Variants in TRIM71 observed in about 807,000 individuals in gnomAD.
TRIM71 encodes the protein E3 ubiquitin-protein ligase TRIM71.
A neutral mutation model predicts 61.2 loss-of-function variants in TRIM71; 9 were observed. That is an observed-to-expected ratio of 0.15 (90% CI 0.09 to 0.26). The LOEUF is 0.26. Ranked by LOEUF, TRIM71 falls within the 10% of genes least tolerant of loss-of-function variation. The pLI is 1.00. For synonymous variants in TRIM71, 645 were observed against 553.2 expected, an observed-to-expected ratio of 1.17 and a Z score of -2.33; for missense variants, 998 against 1,238.7, an observed-to-expected ratio of 0.81 and a Z score of 2.92.
At chr3:32,864,608 G>A (rs2125686072) in intron 1 of TRIM71, among the ~76,000 whole-genome samples, 1 of 152,356 alleles carries the variant, frequency 6.6e-6, no homozygotes, top group East Asian at 1.9e-4. Flanking sequence ...TGAAAGGCAG[G>A]ATGCAGGATG....
chr3:32,889,886 A>ATGTGTGTGTGTGTG (rs531388047), intron 3 of TRIM71, among the ~76,000 whole-genome samples: 3 of 144,770 alleles, frequency 2.1e-5, no homozygotes, highest in Non-Finnish European at 4.6e-5. Flanking sequence ...GCGTGCGTGT[A>ATGTGTGTGTGTGTG]TGTGTGTGTG....
Position 32,894,001 on chromosome 3 carries a change from C to CTGGTAGGTGGTGAAAGATATGCCAAAG in TRIM71, c.*2191_*2192insGGTAGGTGGTGAAAGATATGCCAAAGT, listed in dbSNP as rs1697053905. 1 of 152,188 alleles carries CTGGTAGGTGGTGAAAGATATGCCAAAG rather than the reference C, an allele frequency of 6.6e-6. No individual in the cohort carries two copies. The highest frequency in any genetic ancestry group is 1.5e-5 in the Non-Finnish European group (1 of 68,032). The allele number at this position is 152,188 out of a possible 1,614,324, so 9.4% of individuals were successfully genotyped here. ...AGGAAATGTTGTTTGTTAGAAGCTC[C>CTGGTAGGTGGTGAAAGATATGCCAAAG]TTTTACTGTAGAATTTAATAGTGAA... On this transcript the variant is annotated 3_prime_UTR_variant, in exon 4 of 4. Transcript: ENST00000383763.
chr3:32,855,527 G>T (rs1344762287), intron 1 of TRIM71, among the ~76,000 whole-genome samples: 4 of 152,132 alleles, frequency 2.6e-5, no homozygotes, highest in African/African-American at 9.7e-5. Context: ...CCTGTCTCTA[G>T]CCCTCCTCTT....
intron 1 of TRIM71, among the ~76,000 whole-genome samples, chr3:32,863,819 C>T (rs549284980): frequency 8.6e-5 from 13 of 151,914 alleles, no homozygotes; most frequent in Non-Finnish European, 1.6e-4. Flanking sequence ...GTAGCTGGAA[C>T]CACAGGTGCC....
At chr3:32,858,149 AGTGGACCCTT>A (rs1442071291) in intron 1 of TRIM71, among the ~76,000 whole-genome samples, 1 of 152,112 alleles carries the variant, frequency 6.6e-6, no homozygotes, top group African/African-American at 2.4e-5. Context: ...TCTATGTATA[AGTGGACCCTT>A]GTGTTTCAAA....
intron 1 of TRIM71, among the ~76,000 whole-genome samples, chr3:32,837,730 C>CG (rs1356852237): frequency 6.6e-6 from 1 of 151,992 alleles, no homozygotes; most frequent in Non-Finnish European, 1.5e-5. Context: ...GGTGTGAACC[C>CG]GGGAGGCGGA....
chr3:32,821,038 C>T (rs1002865940), intron 1 of TRIM71, among the ~76,000 whole-genome samples: 1 of 152,170 alleles, frequency 6.6e-6, no homozygotes, highest in African/African-American at 2.4e-5. Flanking sequence ...GAGTAGAAGA[C>T]TAAAGTGTTA....
Position 32,824,960 on chromosome 3 carries a change from A to G in TRIM71, c.852+6028A>G, listed in dbSNP as rs552258497. Among the ~76,000 whole-genome samples, 12 of 151,802 alleles carry G rather than the reference A, an allele frequency of 7.9e-5. No homozygotes were observed. In the South Asian group the frequency reaches 1.7e-3, roughly 21 times the overall value. On this transcript the variant is annotated intron_variant, in intron 1 of 3. Coordinates refer to ENST00000383763, the MANE Select transcript of TRIM71 (RefSeq NM_001039111.3). ...CAGTCATGTGCCACCATGCCTGGCT[A>G]ATTTTTGTATTTTTAGTGGAGACGG... is the stretch of plus-strand genomic sequence containing the variant.
chr3:32,823,820 C>T (rs1696167789), intron 1 of TRIM71, among the ~76,000 whole-genome samples: 1 of 151,080 alleles, frequency 6.6e-6, no homozygotes, highest in Non-Finnish European at 1.5e-5. Context: ...AGGCGTGAGC[C>T]ACCGCGCCTT....
At chr3:32,881,032 T>A (rs777778285) in intron 2 of TRIM71, among the ~76,000 whole-genome samples, 49 of 152,146 alleles carry the variant, frequency 3.2e-4, no homozygotes, top group Non-Finnish European at 5.4e-4. Context: ...TATATATATT[T>A]TTTTGAGGTG....
At position 32,897,499 on chromosome 3, in the gene TRIM71, T is replaced by C. The variant is rs1319828976; in HGVS notation, c.*5688T>C. ...ACCTTTAGGCAAAAGTGAGTTTTTG[T>C]TTGGTTGATTTTGGGTTTTTTTCCC... On this transcript the variant is annotated 3_prime_UTR_variant, in exon 4 of 4. Coordinates refer to ENST00000383763, the MANE Select transcript of TRIM71 (RefSeq NM_001039111.3). 1 of 151,950 alleles carries C rather than the reference T, an allele frequency of 6.6e-6. No individual in the cohort carries two copies. The highest frequency in any genetic ancestry group is 1.5e-5 in the Non-Finnish European group (1 of 68,028). The allele number at this position is 151,950 out of a possible 1,614,324, so 9.4% of individuals were successfully genotyped here.
intron 1 of TRIM71, among the ~76,000 whole-genome samples, chr3:32,846,264 A>G (rs888153404): frequency 6.6e-6 from 1 of 151,494 alleles, no homozygotes; most frequent in African/African-American, 2.4e-5. Flanking sequence ...TTTAGTAGAG[A>G]CAGGGTTTCA....
chr3:32,853,822 C>A (rs1408054658), intron 1 of TRIM71, among the ~76,000 whole-genome samples: 4 of 152,126 alleles, frequency 2.6e-5, no homozygotes, highest in African/African-American at 9.7e-5. Context: ...GTCTGACCAA[C>A]AGAGTGAAAC....
intron 2 of TRIM71, among the ~76,000 whole-genome samples, chr3:32,874,341 A>G (rs2125689106): frequency 6.7e-6 from 1 of 149,706 alleles, no homozygotes; most frequent in African/African-American, 2.5e-5. Flanking sequence ...TACTACTACT[A>G]CTACTACTAC....
intron 1 of TRIM71, among the ~76,000 whole-genome samples, chr3:32,859,599 G>A (rs549717454): frequency 6.6e-6 from 1 of 152,288 alleles, no homozygotes; most frequent in Non-Finnish European, 1.5e-5. Context: ...CAGTGGTTTT[G>A]CATACAGTTT....
At chr3:32,854,180 T>G (rs1261889981) in intron 1 of TRIM71, among the ~76,000 whole-genome samples, 2 of 152,140 alleles carry the variant, frequency 1.3e-5, no homozygotes, top group African/African-American at 4.8e-5. Context: ...TTGTAGAGAC[T>G]CAGAGGTCTC....
chr3:32,846,487 A>G (rs1224362611), intron 1 of TRIM71, among the ~76,000 whole-genome samples: 1 of 152,200 alleles, frequency 6.6e-6, no homozygotes, highest in East Asian at 1.9e-4. Flanking sequence ...ATTAACTTAG[A>G]TACTTATGTT....
At chr3:32,820,416 T>TC (rs1329595953) in intron 1 of TRIM71, among the ~76,000 whole-genome samples, 3 of 152,238 alleles carry the variant, frequency 2.0e-5, no homozygotes, top group Admixed American at 6.5e-5. Flanking sequence ...ATCTTTTTTT[T>TC]CCGTTTTTAA....
chr3:32,882,283 T>C (rs1048332379), intron 2 of TRIM71, among the ~76,000 whole-genome samples: 11 of 152,262 alleles, frequency 7.2e-5, no homozygotes, highest in Non-Finnish European at 1.5e-4. Flanking sequence ...ACCTCTGCTT[T>C]CTATTGAGGA....
Sources: allele counts gnomAD v4.1 joint callset (sites outside exome capture counted in the v4.1 genomes callset), GRCh38; gene constraint gnomAD v4.1.1; transcripts MANE v1.5; gene names NCBI Gene and HGNC (gene_info 2026-07-23, HGNC 2026-07-21).